Variants in FAM184A observed in about 807,000 individuals in gnomAD.
The protein encoded by FAM184A is family with sequence similarity 184 member A, also known as protein FAM184A.
In FAM184A, 99 loss-of-function variants were observed where a neutral mutation model predicts 143.8. The observed-to-expected ratio is 0.69, with a 90% CI of 0.58 to 0.81. The LOEUF (loss-of-function observed/expected upper bound fraction) is 0.81. FAM184A is among the 40% of genes least tolerant of loss of function. The pLI is 0.00. For synonymous variants in FAM184A, 427 were observed against 446.4 expected (o/e 0.96, Z 0.55); for missense variants, 1,217 against 1,310.5 (o/e 0.93, Z 1.10).
At chr6:119,110,314 C>A (rs1582624577) in intron 1 of FAM184A, among the ~76,000 whole-genome samples, 1 of 152,022 alleles carries the variant, frequency 6.6e-6, no homozygotes, top group East Asian at 1.9e-4. Context: ...AGGAAGCAAC[C>A]AAAACAACAA....
intron 1 of FAM184A, among the ~76,000 whole-genome samples, chr6:119,085,067 G>C (rs1244930878): frequency 6.6e-6 from 1 of 152,234 alleles, no homozygotes; most frequent in Non-Finnish European, 1.5e-5. Context: ...CATTGTCTTG[G>C]CTATCAGCAT....
chr6:119,005,013 C>T (rs1024847708), intron 7 of FAM184A, among the ~76,000 whole-genome samples: 1 of 152,126 alleles, frequency 6.6e-6, no homozygotes, highest in African/African-American at 2.4e-5. Flanking sequence ...AATATTTCAA[C>T]TGTCTACTTT....
chr6:119,094,291 C>A (rs1788450405), intron 1 of FAM184A, among the ~76,000 whole-genome samples: 1 of 152,134 alleles, frequency 6.6e-6, no homozygotes, highest in East Asian at 1.9e-4. Flanking sequence ...AGACTTCTGA[C>A]TTTCACAGAA....
chr6:119,084,095 G>C (rs12215002), intron 1 of FAM184A, among the ~76,000 whole-genome samples: 1 of 144,860 alleles, frequency 6.9e-6, no homozygotes, highest in Non-Finnish European at 1.5e-5. Flanking sequence ...GAGAGAGAAA[G>C]AGAGAGAGAA....
At chr6:118,981,913 C>T (rs1170989833) in intron 9 of FAM184A, among the ~76,000 whole-genome samples, 1 of 152,186 alleles carries the variant, frequency 6.6e-6, no homozygotes, top group African/African-American at 2.4e-5. Flanking sequence ...TCTACAAAAA[C>T]CTAAGGTTTC....
At chr6:119,133,239 G>T (rs1789582093) in intron 1 of FAM184A, among the ~76,000 whole-genome samples, 1 of 152,114 alleles carries the variant, frequency 6.6e-6, no homozygotes, top group African/African-American at 2.4e-5. Flanking sequence ...CTACAGCTCA[G>T]TTCCTATATA....
At chr6:119,121,651 C>A (rs1157531421) in intron 1 of FAM184A, among the ~76,000 whole-genome samples, 1 of 152,190 alleles carries the variant, frequency 6.6e-6, no homozygotes, top group Admixed American at 6.5e-5. Flanking sequence ...AAGATATTTG[C>A]TGTCAGTTGA....
chr6:119,096,862 C>T (rs929477181), intron 1 of FAM184A, among the ~76,000 whole-genome samples: 4 of 152,144 alleles, frequency 2.6e-5, no homozygotes, highest in East Asian at 1.9e-4. Context: ...CTGTCCTTGA[C>T]GTCAGAAGGC....
intron 9 of FAM184A, among the ~76,000 whole-genome samples, chr6:119,000,720 G>A (rs1186756129): frequency 6.6e-6 from 1 of 152,082 alleles, no homozygotes; most frequent in African/African-American, 2.4e-5. Flanking sequence ...ATGTGAAAAC[G>A]CACATCCTCT....
intron 1 of FAM184A, among the ~76,000 whole-genome samples, chr6:119,086,610 G>T (rs967950064): frequency 2.0e-5 from 3 of 152,196 alleles, no homozygotes; most frequent in Non-Finnish European, 2.9e-5. Context: ...CTAGAGCACA[G>T]TTTGAGAGGG....
rs1244564962 is a variant in FAM184A at position 119,120,827 on chromosome 6, CCTTTCTTT to C, written c.-202+28243_-202+28250del. Reference sequence around the variant, plus strand: ...TTTTCTCTTTCTTTCTTTCTTTCTTCCTTTCTTTCTTTCTTTCTTTCTTTTTTTTTTTT... The same window carrying C: ...TTTTCTCTTTCTTTCTTTCTTTCTTCCTTTCTTTCTTTCTTTTTTTTTTTT... On this transcript the variant is annotated intron_variant, in intron 1 of 16. Coordinates refer to the FAM184A transcript ENST00000352896. Among the ~76,000 whole-genome samples, 532 of 113,206 alleles carry C rather than the reference CCTTTCTTT, an allele frequency of 4.7e-3. 2 individuals are homozygous for C. Among genetic ancestry groups the C allele is most frequent in the African/African-American group, 0.017 (492 of 28,530 alleles). The allele number at this position is 113,206 out of a possible 152,430, so 74.3% of individuals were successfully genotyped here.
intron 1 of FAM184A, among the ~76,000 whole-genome samples, chr6:119,070,985 ACCT>A (rs1787665901): frequency 6.6e-6 from 1 of 151,912 alleles, no homozygotes; most frequent in African/African-American, 2.4e-5. Flanking sequence ...GGCCCCCATT[ACCT>A]CCTATTTTCT....
intron 1 of FAM184A, among the ~76,000 whole-genome samples, chr6:119,112,554 T>G (rs188527879): frequency 6.6e-6 from 1 of 152,338 alleles, no homozygotes; most frequent in African/African-American, 2.4e-5. Flanking sequence ...GGTTTTAGAG[T>G]AGAGCAGTCT....
intron 9 of FAM184A, among the ~76,000 whole-genome samples, chr6:118,996,310 C>T (rs1339422684): frequency 6.6e-6 from 1 of 152,078 alleles, no homozygotes; most frequent in East Asian, 1.9e-4. Flanking sequence ...AAATTAAAAA[C>T]TTTCATATTT....
intron 1 of FAM184A, among the ~76,000 whole-genome samples, chr6:119,148,259 G>T (rs569992494): frequency 1.1e-4 from 17 of 152,314 alleles, no homozygotes; most frequent in Admixed American, 9.1e-4. Context: ...TCTCCTGAGT[G>T]AGGTGCATGG....
intron 5 of FAM184A, among the ~76,000 whole-genome samples, chr6:119,016,181 C>T (rs577797519): frequency 2.6e-5 from 4 of 152,120 alleles, no homozygotes; most frequent in East Asian, 1.9e-4. Context: ...CACCAATCAG[C>T]GCCCTGACAA....
intron 9 of FAM184A, among the ~76,000 whole-genome samples, chr6:118,982,016 C>T (rs1331336187): frequency 6.6e-6 from 1 of 152,132 alleles, no homozygotes; most frequent in African/African-American, 2.4e-5. Flanking sequence ...GGCAGCAGCA[C>T]CCACGACTTA....
At chr6:119,144,344 A>C (rs531222833) in intron 1 of FAM184A, among the ~76,000 whole-genome samples, 38 of 152,076 alleles carry the variant, frequency 2.5e-4, no homozygotes, top group African/African-American at 8.4e-4. Flanking sequence ...AAAAAAAAAA[A>C]AAAAAAAAGA....
At chr6:118,997,384 T>A in intron 9 of FAM184A, among the ~76,000 whole-genome samples, 1 of 147,570 alleles carries the variant, frequency 6.8e-6, no homozygotes, top group African/African-American at 2.5e-5. Context: ...ATAATGAAAA[T>A]TCAAAGCTAA....
Sources: gnomAD v4.1 joint callset for allele counts (sites outside exome capture counted in the v4.1 genomes callset) on GRCh38, gnomAD v4.1.1 for gene constraint, MANE v1.5 for transcripts, NCBI Gene and HGNC (gene_info 2026-07-23, HGNC 2026-07-21) for gene names.